The following MBNL2 variants were observed in gnomAD, a reference collection of about 807,000 sequenced individuals.
MBNL2 encodes muscleblind-like protein 2.
In MBNL2, 17 loss-of-function variants were observed where a neutral mutation model predicts 41.9. The observed-to-expected ratio is 0.41, with a 90% CI of 0.28 to 0.61. The LOEUF is 0.61. Ranked by LOEUF, MBNL2 falls within the 20% of genes least tolerant of loss-of-function variation. MBNL2 has a pLI of 0.35. For missense variants in MBNL2, 336 were observed against 505.6 expected (o/e 0.66, Z 3.22); for synonymous variants, 195 against 182.9 (o/e 1.07, Z -0.53).
intron 1 of MBNL2, among the ~76,000 whole-genome samples, chr13:97,269,248 G>A (rs1334228243): frequency 6.6e-6 from 1 of 152,238 alleles, no homozygotes; most frequent in African/African-American, 2.4e-5. Flanking sequence ...ACACCAGTGA[G>A]AGAGACTTAC....
intron 1 of MBNL2, among the ~76,000 whole-genome samples, chr13:97,230,276 G>C (rs2042205068): frequency 6.6e-6 from 1 of 152,188 alleles, no homozygotes; most frequent in Non-Finnish European, 1.5e-5. Context: ...AATTCTAGGA[G>C]GAGTGATATC....
the MBNL2 span, among the ~76,000 whole-genome samples, chr13:97,189,967 A>G: frequency 2.0e-5 from 3 of 152,232 alleles, no homozygotes; most frequent in East Asian, 1.9e-4. Context: ...GAAAAACACC[A>G]GATAGCTCAG....
At chr13:97,180,761 A>T in the MBNL2 span, among the ~76,000 whole-genome samples, 9 of 151,862 alleles carry the variant, frequency 5.9e-5, no homozygotes, top group East Asian at 1.7e-3. Context: ...AAAAAAAAAA[A>T]AAACATGTTG....
intron 8 of MBNL2, among the ~76,000 whole-genome samples, chr13:97,389,189 A>T (rs938900789): frequency 6.6e-6 from 1 of 152,202 alleles, no homozygotes; most frequent in African/African-American, 2.4e-5. Flanking sequence ...GTCCAATTAA[A>T]TTTCAGTGGT....
chr13:97,158,571 G>A, the MBNL2 span, among the ~76,000 whole-genome samples: 16 of 151,144 alleles, frequency 1.1e-4, no homozygotes, highest in East Asian at 9.7e-4. Flanking sequence ...CTTTGAATGC[G>A]TCCCAGAGAT....
intron 8 of MBNL2, among the ~76,000 whole-genome samples, chr13:97,370,364 G>A (rs973654360): frequency 1.3e-5 from 2 of 152,134 alleles, no homozygotes; most frequent in African/African-American, 4.8e-5. Flanking sequence ...AAGTAGCCAG[G>A]TCATCTTTAG....
the MBNL2 span, among the ~76,000 whole-genome samples, chr13:97,187,763 C>A: frequency 2.0e-5 from 3 of 151,898 alleles, no homozygotes; most frequent in African/African-American, 7.2e-5. Flanking sequence ...AAAAATTAGC[C>A]GGGAGAGGTG....
At chr13:97,349,046 CTGTTTT>C (rs532265226) in intron 5 of MBNL2, among the ~76,000 whole-genome samples, 3 of 152,170 alleles carry the variant, frequency 2.0e-5, no homozygotes, top group African/African-American at 7.2e-5. Flanking sequence ...ATCTAAATCA[CTGTTTT>C]TGTTTTTGTT....
At chr13:97,311,525 T>C (rs1419421470) in intron 2 of MBNL2, among the ~76,000 whole-genome samples, 2 of 152,240 alleles carry the variant, frequency 1.3e-5, no homozygotes, top group Non-Finnish European at 2.9e-5. Flanking sequence ...ATTCTAGCTA[T>C]GCTTTATGGG....
intron 1 of MBNL2, among the ~76,000 whole-genome samples, chr13:97,262,483 CT>C (rs1292774836): frequency 1.3e-5 from 2 of 152,272 alleles, no homozygotes; most frequent in Non-Finnish European, 2.9e-5. Flanking sequence ...CCTTACTCCT[CT>C]TCCTTCTTTC....
Position 97,283,648 on chromosome 13 carries a change from T to A in MBNL2, c.174+7239T>A, listed in dbSNP as rs79103579. 6.3e-3 allele frequency among the ~76,000 whole-genome samples: 956 copies of A among 152,286 alleles called. 8 individuals carry two copies. The highest frequency in any genetic ancestry group is 0.022 in the African/African-American group (910 of 41,544). ...GGGTTTCATGTTTGCTTCTAAAAAT[T>A]ATCTATACATTGCAAGTTAAGAAAT... On this transcript the variant is annotated intron_variant, in intron 2 of 8. Transcript: ENST00000679496.
chr13:97,323,766 G>T (rs924647365), intron 2 of MBNL2, among the ~76,000 whole-genome samples: 1 of 151,884 alleles, frequency 6.6e-6, no homozygotes, highest in Non-Finnish European at 1.5e-5. Context: ...TCTCTAAATG[G>T]CTAGCTCTAA....
the MBNL2 span, among the ~76,000 whole-genome samples, chr13:97,209,010 C>T: frequency 6.6e-6 from 1 of 152,080 alleles, no homozygotes; most frequent in Non-Finnish European, 1.5e-5. Flanking sequence ...TTTTTATATC[C>T]AACAGAGTTC....
At chr13:97,266,676 G>A (rs961972440) in intron 1 of MBNL2, among the ~76,000 whole-genome samples, 6 of 152,156 alleles carry the variant, frequency 3.9e-5, no homozygotes, top group South Asian at 2.1e-4. Flanking sequence ...GAGTGGGGAC[G>A]CTCCAACATT....
rs76464882 is a variant in MBNL2 at position 97,254,489 on chromosome 13, T to C, written c.-604-21143T>C. 6.9e-3 allele frequency among the ~76,000 whole-genome samples: 1,057 copies of C among 152,338 alleles called. 11 individuals carry two copies. The highest frequency in any genetic ancestry group is 0.022 in the East Asian group (113 of 5,186). On this transcript the variant is annotated intron_variant, in intron 1 of 8. Coordinates refer to ENST00000679496, the MANE Select transcript of MBNL2 (RefSeq NM_001382683.1). ...AAGTTTCAATTTAAACAAAATCCAG[T>C]GTTATTAACTTCCTCTGTCTCTAAA...
the MBNL2 span, among the ~76,000 whole-genome samples, chr13:97,166,437 T>G: frequency 7.5e-6 from 1 of 133,794 alleles, no homozygotes; most frequent in African/African-American, 2.9e-5. Flanking sequence ...GATTGAAGGA[T>G]GCAAAGTATG....
chr13:97,224,628 CAA>C (rs538498133), intron 1 of MBNL2, among the ~76,000 whole-genome samples: 44,443 of 107,316 alleles, frequency 0.41, 9,154 homozygotes, highest in Non-Finnish European at 0.53. Context: ...GACCTTTTAC[CAA>C]AAAAAAAAAA....
At chr13:97,223,393 A>G (rs2041094572) in intron 1 of MBNL2, among the ~76,000 whole-genome samples, 1 of 152,248 alleles carries the variant, frequency 6.6e-6, no homozygotes. Context: ...CAGGAGAAGG[A>G]AAGGATATAT....
intron 2 of MBNL2, among the ~76,000 whole-genome samples, chr13:97,308,072 G>A (rs2153014664): frequency 6.6e-6 from 1 of 152,252 alleles, no homozygotes. Flanking sequence ...TACATCTTTG[G>A]GATTTTCCTT....
Sources: gnomAD v4.1 joint callset for allele counts (sites outside exome capture counted in the v4.1 genomes callset) on GRCh38, gnomAD v4.1.1 for gene constraint, MANE v1.5 for transcripts, NCBI Gene and HGNC (gene_info 2026-07-23, HGNC 2026-07-21) for gene names.